The following NUDT4 variants were observed in gnomAD, a reference collection of about 807,000 sequenced individuals.
NUDT4 encodes the protein diphosphoinositol polyphosphate phosphohydrolase 2.
A neutral mutation model predicts 23.1 loss-of-function variants in NUDT4; 5 were observed. The ratio of observed to expected loss-of-function variants is 0.22; its 90% CI spans 0.11 to 0.46. The LOEUF (loss-of-function observed/expected upper bound fraction) is 0.46, where lower values mean the gene tolerates loss of function less well. Among genes scored for constraint, NUDT4 ranks in the 20% least tolerant of loss-of-function variants. The pLI is 0.99. For synonymous variants in NUDT4, 50 were observed against 79.0 expected (o/e 0.63, Z 1.95); for missense variants, 96 against 211.6 (o/e 0.45, Z 3.39).
intron 1 of NUDT4, among the ~76,000 whole-genome samples, chr12:93,382,792 G>A (rs911683772): frequency 1.3e-5 from 2 of 149,556 alleles, no homozygotes; most frequent in African/African-American, 4.9e-5. Flanking sequence ...TTCTCAAGTA[G>A]CTGGGACTAC....
chr12:93,389,514 AAGAG>A (rs753799417), intron 1 of NUDT4, among the ~76,000 whole-genome samples: 7 of 152,288 alleles, frequency 4.6e-5, no homozygotes, highest in East Asian at 1.9e-4. Flanking sequence ...TAATTTATGA[AAGAG>A]AGATGTTGAG....
At position 93,394,750 on chromosome 12, in the gene NUDT4, C is replaced by T. The variant is rs755428379; in HGVS notation, c.210+31C>T. 2.4e-5 allele frequency: 34 copies of T among 1,427,672 alleles called. No homozygotes were observed. In the East Asian group the frequency reaches 5.2e-4, roughly 22 times the overall value. The allele number at this position is 1,427,672 out of a possible 1,614,324, so 88.4% of individuals were successfully genotyped here. ...ATGTTCTTTCACACAAATTCTGTTT[C>T]GGAGTTTTAAAAACAAGGCCCTTTG... On this transcript the variant is annotated intron_variant, in intron 2 of 4. Transcript: ENST00000415493.
intron 1 of NUDT4, among the ~76,000 whole-genome samples, chr12:93,385,940 T>TATATATATATATATATATATATATA (rs1565777274): frequency 1.4e-5 from 1 of 72,222 alleles, no homozygotes; most frequent in African/African-American, 6.4e-5. Flanking sequence ...AGTAAATCTT[T>TATATATATATATATATATATATATA]TTATATATAT....
intron 1 of NUDT4, among the ~76,000 whole-genome samples, chr12:93,389,736 A>G (rs903733382): frequency 9.9e-5 from 15 of 151,610 alleles, no homozygotes. Flanking sequence ...CCCCATCTCT[A>G]CTAAAAGTAC....
Position 93,377,945 on chromosome 12 carries a change from T to C in NUDT4, c.-378T>C. ...CGCGCGGTCGCCGCGGTGCTGCTGC[T>C]CAGTGGGAGCGGGTCTTCGCAACTG... On this transcript the variant is annotated 5_prime_UTR_variant, in exon 1 of 5. Coordinates refer to ENST00000415493, the MANE Select transcript of NUDT4 (RefSeq NM_019094.6). The C allele has an allele frequency of 3.4e-6, 1 of 298,428 alleles. No individual in the cohort carries two copies. Among genetic ancestry groups the C allele is most frequent in the South Asian group, 2.9e-5 (1 of 34,552 alleles). 18.5% of individuals were successfully genotyped at this position (298,428 alleles called of 1,614,324 possible).
chr12:93,378,824 T>C (rs1875413012), intron 1 of NUDT4: 1 of 987,652 alleles, frequency 1.0e-6, no homozygotes, highest in African/African-American at 1.7e-5. Context: ...GTGCCTCTTT[T>C]ACATATTTTC....
At chr12:93,394,859 T>A (rs959961332) in intron 2 of NUDT4, 140 bp downstream of exon 2, 42 of 556,144 alleles carry the variant, frequency 7.6e-5, no homozygotes, top group African/African-American at 6.0e-4. Context: ...TTTTTTTTTT[T>A]ATTTTTTGAG....
At chr12:93,379,152 G>A (rs1055385981) in intron 1 of NUDT4, among the ~76,000 whole-genome samples, 3 of 152,164 alleles carry the variant, frequency 2.0e-5, no homozygotes, top group African/African-American at 7.2e-5. Context: ...TTTGCTGTCT[G>A]GCTTGACATC....
rs1363273433 is a variant in NUDT4, at chr12:93,402,175, T to C, written c.*2796T>C. 6.6e-6 allele frequency: 1 copy of C among 152,036 alleles called. No individual in the cohort carries two copies. The highest frequency in any genetic ancestry group is 2.4e-5 in the African/African-American group (1 of 41,428). 9.4% of individuals were successfully genotyped at this position (152,036 alleles called of 1,614,324 possible). ...AGAACTGAAGGGGAAAAATGATTGT[T>C]GTATACACTGAATTGCTTTGCATGG... On this transcript the variant is annotated 3_prime_UTR_variant, in exon 5 of 5. Transcript: ENST00000415493.
chr12:93,406,303 A>AAAAAAAAAAAAAAAAAAAAAAAAAC lies in NUDT4; in HGVS notation c.*6926_*6927insAAAAAAAAAAAAAAAAAAAAAACAA, dbSNP rs1877813503. 6.8e-6 allele frequency: 1 copy of AAAAAAAAAAAAAAAAAAAAAAAAAC among 146,232 alleles called. No individual in the cohort carries two copies. The highest frequency in any genetic ancestry group is 1.5e-5 in the Non-Finnish European group (1 of 66,782). The allele number at this position is 146,232 out of a possible 1,614,324, so 9.1% of individuals were successfully genotyped here. On this transcript the variant is annotated 3_prime_UTR_variant, in exon 5 of 5. Coordinates refer to ENST00000415493, the MANE Select transcript of NUDT4 (RefSeq NM_019094.6). The stretch of plus-strand genomic sequence containing the variant: ...AAAAAAAAAAAAAAAAAAAAAAAAA[A>AAAAAAAAAAAAAAAAAAAAAAAAAC]AAGGTTCCTGAACCATTCAACAGAA...
At chr12:93,381,367 G>A (rs1255314710) in intron 1 of NUDT4, among the ~76,000 whole-genome samples, 1 of 152,232 alleles carries the variant, frequency 6.6e-6, no homozygotes, top group Admixed American at 6.5e-5. Flanking sequence ...TAATTGCCCT[G>A]TAGAGTAGCT....
chr12:93,391,432 G>A (rs1405191556), intron 1 of NUDT4, among the ~76,000 whole-genome samples: 1 of 152,036 alleles, frequency 6.6e-6, no homozygotes, highest in Non-Finnish European at 1.5e-5. Flanking sequence ...GGTCTTGGTG[G>A]GAGGTGCCTG....
rs904134381 is a variant in NUDT4, at chr12:93,377,958, G to C, written c.-365G>C. On this transcript the variant is annotated 5_prime_UTR_variant, in exon 1 of 5. Coordinates refer to ENST00000415493, the MANE Select transcript of NUDT4 (RefSeq NM_019094.6). ...CGGTGCTGCTGCTCAGTGGGAGCGG[G>C]TCTTCGCAACTGTCTCCGCGTGGCG... is the stretch of plus-strand genomic sequence containing the variant. 1 of 272,660 alleles carries C rather than the reference G, an allele frequency of 3.7e-6. No individual in the cohort carries two copies. Among genetic ancestry groups the C allele is most frequent in the Non-Finnish European group, 7.3e-6 (1 of 137,724 alleles). The allele number at this position is 272,660 out of a possible 1,614,324, so 16.9% of individuals were successfully genotyped here. A position where few individuals can be genotyped will look rare whatever the true frequency, so the allele number is the denominator to read the frequency against.
At position 93,385,970 on chromosome 12, in the gene NUDT4, T is replaced by TATATATACAC. The variant is rs1243696865; in HGVS notation, c.99+7550_99+7551insTATATACACA. On this transcript the variant is annotated intron_variant, in intron 1 of 4. Coordinates refer to ENST00000415493, the MANE Select transcript of NUDT4 (RefSeq NM_019094.6). ...ATATATATATATATATATATATATATACATAATTTTTTTTTTCTTTTTGAG... is the reference window on the plus strand; with the variant it reads ...ATATATATATATATATATATATATATATATATACACACATAATTTTTTTTTTCTTTTTGAG... Among the ~76,000 whole-genome samples, 55 of 118,606 alleles carry TATATATACAC rather than the reference T, an allele frequency of 4.6e-4. 1 individual carries two copies. In the South Asian group the frequency reaches 9.1e-3, roughly 20 times the overall value. 77.8% of individuals were successfully genotyped at this position (118,606 alleles called of 152,430 possible).
Position 93,405,693 on chromosome 12 carries a change from T to C in NUDT4, c.*6314T>C, listed in dbSNP as rs1476625801. ...AACAATATATTACTAGTCCAGGTGG[T>C]AGATGACAGATTTTTATTATTTACA... is the stretch of plus-strand genomic sequence containing the variant. On this transcript the variant is annotated 3_prime_UTR_variant, in exon 5 of 5. Coordinates refer to ENST00000415493, the MANE Select transcript of NUDT4 (RefSeq NM_019094.6). The C allele has an allele frequency of 6.6e-6, 1 of 152,322 alleles. No homozygotes were observed. The allele number at this position is 152,322 out of a possible 1,614,324, so 9.4% of individuals were successfully genotyped here.
At chr12:93,383,052 A>G (rs73366020) in intron 1 of NUDT4, among the ~76,000 whole-genome samples, 4,126 of 150,958 alleles carry the variant, frequency 0.027, 200 homozygotes, top group African/African-American at 0.095. Context: ...TAAACCAGGC[A>G]TTAACGTAGA....
In NUDT4 at chr12:93,407,425, G is replaced by C. The variant is rs987866196; in HGVS notation, c.*8046G>C. On this transcript the variant is annotated 3_prime_UTR_variant, in exon 5 of 5. Transcript: ENST00000415493. The stretch of plus-strand genomic sequence containing the variant: ...TGGGCAAACATGAAACACTTTTGTT[G>C]AATAATGTGTTTCCTTTAGCCCAGG... 2.6e-5 allele frequency: 4 copies of C among 152,204 alleles called. No individual in the cohort carries two copies. The highest frequency in any genetic ancestry group is 9.7e-5 in the African/African-American group (4 of 41,436). The allele number at this position is 152,204 out of a possible 1,614,324, so 9.4% of individuals were successfully genotyped here.
intron 1 of NUDT4, 75 bp downstream of exon 1, chr12:93,378,496 G>T: frequency 7.2e-7 from 1 of 1,385,240 alleles, no homozygotes; most frequent in Non-Finnish European, 9.5e-7. Context: ...CTCGCTCCCC[G>T]CCCCTGCGCA....
intron 1 of NUDT4, among the ~76,000 whole-genome samples, chr12:93,379,496 GAC>G (rs1875480669): frequency 6.6e-6 from 1 of 152,224 alleles, no homozygotes; most frequent in Non-Finnish European, 1.5e-5. Context: ...TGATGAATAT[GAC>G]ACAGAATACA....
Sources: gnomAD v4.1 joint callset for allele counts (sites outside exome capture counted in the v4.1 genomes callset) on GRCh38, gnomAD v4.1.1 for gene constraint, MANE v1.5 for transcripts, NCBI Gene and HGNC (gene_info 2026-07-23, HGNC 2026-07-21) for gene names.